The following GALNT13 variants were observed in gnomAD, a reference collection of about 807,000 sequenced individuals.
GALNT13 encodes UDP-GalNAc:polypeptide N-acetylgalactosaminyltransferase 13.
In GALNT13, 28 loss-of-function variants were observed where a neutral mutation model predicts 64.2. That is an observed-to-expected ratio of 0.44 (90% CI 0.32 to 0.60). The LOEUF (loss-of-function observed/expected upper bound fraction) is 0.60. Ranked by LOEUF, GALNT13 falls within the 20% of genes least tolerant of loss-of-function variation. GALNT13 has a pLI of 0.05. For missense variants in GALNT13, 577 were observed against 669.8 expected, an observed-to-expected ratio of 0.86 and a Z score of 1.53; for synonymous variants, 214 against 224.6, an observed-to-expected ratio of 0.95 and a Z score of 0.42.
intron 3 of GALNT13, among the ~76,000 whole-genome samples, chr2:154,089,072 C>T (rs980566225): frequency 1.3e-5 from 2 of 152,046 alleles, no homozygotes; most frequent in African/African-American, 4.8e-5. Flanking sequence ...AGCTACTATC[C>T]TCTCTTAATC....
chr2:153,665,789 A>G, the GALNT13 span, among the ~76,000 whole-genome samples: 1 of 152,036 alleles, frequency 6.6e-6, no homozygotes, highest in Non-Finnish European at 1.5e-5. Context: ...CTGGAATCCT[A>G]GCCGCAGGAG....
chr2:153,406,739 T>C, the GALNT13 span, among the ~76,000 whole-genome samples: 268 of 152,328 alleles, frequency 1.8e-3, 6 homozygotes, highest in East Asian at 0.036. Flanking sequence ...AAACAGCATT[T>C]ACAAATTTAG....
At chr2:153,778,131 G>T in the GALNT13 span, among the ~76,000 whole-genome samples, 5 of 152,074 alleles carry the variant, frequency 3.3e-5, no homozygotes, top group Non-Finnish European at 7.4e-5. Context: ...CTCCTATGCC[G>T]GTGTGCTCCT....
At chr2:153,181,147 C>T in the GALNT13 span, among the ~76,000 whole-genome samples, 1 of 141,686 alleles carries the variant, frequency 7.1e-6, no homozygotes, top group Non-Finnish European at 1.5e-5. Context: ...GCATTTATTG[C>T]TGTAAATTTT....
intron 3 of GALNT13, among the ~76,000 whole-genome samples, chr2:154,090,212 T>C (rs1701738156): frequency 6.6e-6 from 1 of 152,104 alleles, no homozygotes; most frequent in African/African-American, 2.4e-5. Context: ...TGGGGATATT[T>C]ATGTTTATTG....
chr2:153,313,702 A>T, the GALNT13 span, among the ~76,000 whole-genome samples: 2 of 152,202 alleles, frequency 1.3e-5, no homozygotes, highest in Admixed American at 6.6e-5. Flanking sequence ...CTTAAAAGTT[A>T]AAAAAAGAAT....
chr2:153,699,190 C>G, the GALNT13 span, among the ~76,000 whole-genome samples: 182 of 152,192 alleles, frequency 1.2e-3, no homozygotes, highest in African/African-American at 4.3e-3. Context: ...GAAATTCACT[C>G]AAAAATACAC....
chr2:153,236,849 A>G, the GALNT13 span, among the ~76,000 whole-genome samples: 13,289 of 152,134 alleles, frequency 0.087, 638 homozygotes, highest in South Asian at 0.13. Context: ...TACATTTCAT[A>G]AGGCTATAGG....
intron 2 of GALNT13, among the ~76,000 whole-genome samples, chr2:153,912,845 G>T (rs1326332670): frequency 6.6e-6 from 1 of 152,188 alleles, no homozygotes; most frequent in Non-Finnish European, 1.5e-5. Flanking sequence ...GCCAGCCAAA[G>T]CTCTTTGTAG....
At chr2:154,016,698 G>A (rs1160617889) in intron 3 of GALNT13, among the ~76,000 whole-genome samples, 2 of 152,218 alleles carry the variant, frequency 1.3e-5, no homozygotes, top group African/African-American at 2.4e-5. Context: ...TTACAGGCAT[G>A]AGCCACTGCG....
At position 154,369,816 on chromosome 2, in the gene GALNT13, T is replaced by C. The variant is rs1697579776; in HGVS notation, c.1157-26175T>C. The stretch of plus-strand genomic sequence containing the variant: ...AGATTAAGGTGTCAATGAAGTTTCA[T>C]TCCAAAGCATCTTCTCTTGGTTGAT... On this transcript the variant is annotated intron_variant, in intron 9 of 12. Transcript: ENST00000392825. Among the ~76,000 whole-genome samples the C allele has an allele frequency of 2.0e-5, 3 of 152,172 alleles. No homozygotes were observed. In the South Asian group the frequency reaches 6.2e-4, roughly 31 times the overall value.
chr2:153,692,760 T>C, the GALNT13 span, among the ~76,000 whole-genome samples: 1 of 152,222 alleles, frequency 6.6e-6, no homozygotes, highest in South Asian at 2.1e-4. Context: ...TCCACATATA[T>C]TGAGGGCATA....
At position 154,372,428 on chromosome 2, in the gene GALNT13, G is replaced by A. The variant is rs1056502455; in HGVS notation, c.1157-23563G>A. On this transcript the variant is annotated intron_variant, in intron 9 of 12. Transcript: ENST00000392825. ...AGAAAATAGATTTCTGGTCCCTGGA[G>A]CCCTATTAAGAAATAAGTTTGCATT... Among the ~76,000 whole-genome samples, 11 of 152,064 alleles carry A rather than the reference G, an allele frequency of 7.2e-5. No homozygotes were observed. In the South Asian group the frequency reaches 1.0e-3, roughly 14 times the overall value.
the GALNT13 span, among the ~76,000 whole-genome samples, chr2:153,377,722 C>T: frequency 9.2e-5 from 14 of 152,108 alleles, no homozygotes; most frequent in South Asian, 2.1e-4. Context: ...TTATAAATTA[C>T]TCAGCCTCAG....
chr2:154,299,633 T>C (rs1362586763), intron 8 of GALNT13, among the ~76,000 whole-genome samples: 2 of 151,332 alleles, frequency 1.3e-5, no homozygotes, highest in African/African-American at 2.4e-5. Flanking sequence ...TTTTTTTTTT[T>C]TTTCTATTTT....
chr2:154,284,530 C>A (rs1284441267), intron 8 of GALNT13, among the ~76,000 whole-genome samples: 2 of 151,584 alleles, frequency 1.3e-5, no homozygotes, highest in East Asian at 3.9e-4. Flanking sequence ...TACACACACA[C>A]ACACACACAC....
the GALNT13 span, among the ~76,000 whole-genome samples, chr2:153,439,335 C>G: frequency 3.9e-5 from 6 of 152,174 alleles, no homozygotes; most frequent in Non-Finnish European, 7.3e-5. Context: ...AACCACTACT[C>G]TCTTCAAAGC....
the GALNT13 span, among the ~76,000 whole-genome samples, chr2:153,081,695 A>C: frequency 6.6e-5 from 10 of 152,106 alleles, no homozygotes; most frequent in African/African-American, 2.4e-4. Context: ...AAATGACTAG[A>C]TCTCATTCTT....
the GALNT13 span, among the ~76,000 whole-genome samples, chr2:153,493,784 A>G: frequency 6.6e-6 from 1 of 152,020 alleles, no homozygotes; most frequent in African/African-American, 2.4e-5. Flanking sequence ...AAAGGAAAAT[A>G]TATTGGACCA....
Sources: gnomAD v4.1 joint callset for allele counts (sites outside exome capture counted in the v4.1 genomes callset) on GRCh38, gnomAD v4.1.1 for gene constraint, MANE v1.5 for transcripts, NCBI Gene and HGNC (gene_info 2026-07-23, HGNC 2026-07-21) for gene names.